The following VPS13C variants were observed in gnomAD, a reference collection of about 807,000 sequenced individuals.
VPS13C encodes the protein intermembrane lipid transfer protein VPS13C.
In VPS13C, 358 loss-of-function variants were observed where a neutral mutation model predicts 456.8. The observed-to-expected ratio is 0.78, with a 90% CI of 0.72 to 0.86. VPS13C has a LOEUF of 0.86. Among genes scored for constraint, VPS13C ranks in the 40% least tolerant of loss-of-function variants. VPS13C has a pLI of 0.00. For missense variants in VPS13C, 4,818 were observed against 4,385.4 expected (o/e 1.10, Z -2.79); for synonymous variants, 1,578 against 1,486.7 (o/e 1.06, Z -1.41).
chr15:61,899,794 G>C lies in VPS13C; in HGVS notation c.9105+7470C>G, dbSNP rs368670790. Among the ~76,000 whole-genome samples, 11 of 152,108 alleles carry C rather than the reference G, an allele frequency of 7.2e-5. 1 individual carries two copies. Among genetic ancestry groups the C allele is most frequent in the Admixed American group, 4.6e-4 (7 of 15,262 alleles). Reference sequence around the variant, plus strand: ...AGCATCATTCTGATACCAAAGCTGGGCAGAGACACAACCAAAAAAGAGGAT... The same window carrying C: ...AGCATCATTCTGATACCAAAGCTGGCCAGAGACACAACCAAAAAAGAGGAT... On this transcript the variant is annotated intron_variant, in intron 66 of 84. Transcript: ENST00000644861.
Position 61,991,094 on chromosome 15 carries a change from G to C in VPS13C, c.1484C>G (p.Thr495Ser), listed in dbSNP as rs369124398. ...CTCTGGAGTCATAAGGTCATCAATA[G>C]CTATGAAAAAACAACATTTTAAGAA... ...KKDEESLIPE[T>S]IDDLMTPEEK... Residue 495 changes from threonine to serine, a missense_variant and splice_region_variant, in exon 18 of 85, where the codon ACT becomes AGT. Physicochemically the swap from Thr to Ser is moderately conservative, Grantham distance 58. This residue lies in a region of VPS13C where 4,552 missense variants were observed against 4,130.6 expected (regional missense o/e 1.10). Transcript: ENST00000644861. 5 of 1,590,968 alleles carry C rather than the reference G, an allele frequency of 3.1e-6. No homozygotes were observed. The highest frequency in any genetic ancestry group is 1.4e-5 in the African/African-American group (1 of 73,440).
intron 38 of VPS13C, among the ~76,000 whole-genome samples, chr15:61,952,525 TTGTGTGTG>T (rs911004613): frequency 6.6e-6 from 1 of 151,798 alleles, no homozygotes; most frequent in Non-Finnish European, 1.5e-5. Flanking sequence ...GTATGTGTGT[TTGTGTGTG>T]TGTGTTAAGT....
intron 81 of VPS13C, 88 bp downstream of exon 81, chr15:61,868,571 C>G: frequency 9.4e-7 from 1 of 1,060,534 alleles, no homozygotes; most frequent in African/African-American, 1.6e-5. Context: ...GTTCAAGAAT[C>G]AGGAACTTTA....
At chr15:61,859,334 G>C (rs890326223) in intron 82 of VPS13C, among the ~76,000 whole-genome samples, 8 of 152,180 alleles carry the variant, frequency 5.3e-5, no homozygotes, top group Admixed American at 2.6e-4. Flanking sequence ...CTGCACTCCA[G>C]ACTGGGCAAT....
rs763032867 is a variant in VPS13C, at chr15:61,922,573, T to G, written c.6799A>C (p.Ile2267Leu). 3 of 1,614,142 alleles carry G rather than the reference T, an allele frequency of 1.9e-6. No individual in the cohort carries two copies. In the South Asian group the frequency reaches 3.3e-5, roughly 18 times the overall value. The change falls in exon 54 of 85, where the codon ATT becomes CTT. Residue 2267 changes from isoleucine to leucine, a missense_variant. This residue lies in a region of VPS13C where 4,552 missense variants were observed against 4,130.6 expected (regional missense o/e 1.10). Transcript: ENST00000644861. The stretch of plus-strand genomic sequence containing the variant: ...TTTTCCTCTATCAGTGAATGTTCAA[T>G]GCCTTTGAAGCTTTCCGTTATTTCT... ...ATEITESFKGIEHSLIEENCG... is the reference protein window; with the variant it reads ...ATEITESFKGLEHSLIEENCG...
intron 66 of VPS13C, among the ~76,000 whole-genome samples, chr15:61,897,681 G>A (rs1374266428): frequency 6.6e-6 from 1 of 152,230 alleles, no homozygotes; most frequent in South Asian, 2.1e-4. Context: ...ACACTCTGCA[G>A]GATATTATCC....
intron 16 of VPS13C, among the ~76,000 whole-genome samples, chr15:61,996,005 C>T (rs954962062): frequency 2.6e-5 from 4 of 152,186 alleles, no homozygotes; most frequent in Non-Finnish European, 5.9e-5. Flanking sequence ...CTGAGAAAAA[C>T]TCCGTATTTC....
chr15:62,020,081 A>G (rs1331124915), intron 9 of VPS13C, among the ~76,000 whole-genome samples: 1 of 150,504 alleles, frequency 6.6e-6, no homozygotes, highest in Non-Finnish European at 1.5e-5. Context: ...ATATTGCCCA[A>G]TGAGATGAGT....
At chr15:61,869,868 C>T (rs930723945) in intron 79 of VPS13C, among the ~76,000 whole-genome samples, 1 of 152,144 alleles carries the variant, frequency 6.6e-6, no homozygotes, top group African/African-American at 2.4e-5. Flanking sequence ...GCGGGGCCAG[C>T]ATTTATGTTT....
rs548212702 is a variant in VPS13C at position 61,964,995 on chromosome 15, G to C, written c.3052-134C>G. ...CACTCTGAAGGAAGAGTAAAAAGTGGAAGATTCACAATCCCCTTAAAAAGG... is the reference window on the plus strand; with the variant it reads ...CACTCTGAAGGAAGAGTAAAAAGTGCAAGATTCACAATCCCCTTAAAAAGG... On this transcript the variant is annotated intron_variant, in intron 30 of 84. Coordinates refer to ENST00000644861, the MANE Select transcript of VPS13C (RefSeq NM_020821.3). 2.7e-4 allele frequency: 213 copies of C among 795,474 alleles called. 2 individuals are homozygous for C. In the South Asian group the frequency reaches 4.5e-3, roughly 17 times the overall value. The allele number at this position is 795,474 out of a possible 1,614,324, so 49.3% of individuals were successfully genotyped here.
chr15:62,007,621 T>G (rs9635310), intron 14 of VPS13C, 142 bp from the exon 15 acceptor site: 1 of 636,094 alleles, frequency 1.6e-6, no homozygotes, highest in East Asian at 3.1e-5. Flanking sequence ...CAATTCCCAG[T>G]AAAATTGTCT....
chr15:61,876,924 G>A, intron 75 of VPS13C, 49 bp downstream of exon 75: 1 of 1,398,340 alleles, frequency 7.2e-7, no homozygotes, highest in South Asian at 1.3e-5. Flanking sequence ...CAAATGTTTT[G>A]ATATTTTATG....
In VPS13C at chr15:61,871,978, T is replaced by G. The variant is rs746066322; in HGVS notation, c.10624+11A>C. ...CAGACTTTGTAAAGGAAGGAAATAT[T>G]TTCAACATACCTTCCACAGGTTTTG... On this transcript the variant is annotated intron_variant, in intron 79 of 84. Coordinates refer to ENST00000644861, the MANE Select transcript of VPS13C (RefSeq NM_020821.3). 1.3e-5 allele frequency: 21 copies of G among 1,610,200 alleles called. No homozygotes were observed. The Middle Eastern group carries it at 2.3e-3, about 178-fold the overall frequency.
intron 9 of VPS13C, among the ~76,000 whole-genome samples, chr15:62,019,728 T>C (rs1487851748): frequency 1.3e-5 from 2 of 152,088 alleles, no homozygotes; most frequent in Admixed American, 6.6e-5. Flanking sequence ...AATTTTGGAA[T>C]AGGTGAGGTG....
chr15:61,929,399 G>T, intron 51 of VPS13C, 102 bp downstream of exon 51: 1 of 1,415,732 alleles, frequency 7.1e-7, no homozygotes. Context: ...AAATATAAAA[G>T]ACTAATTTTA....
intron 9 of VPS13C, among the ~76,000 whole-genome samples, chr15:62,014,937 G>A (rs925898066): frequency 1.3e-5 from 2 of 152,120 alleles, no homozygotes; most frequent in Non-Finnish European, 2.9e-5. Flanking sequence ...AGAATCACCA[G>A]GCAGAAAGTA....
At chr15:61,896,726 A>C (rs1002795637) in intron 66 of VPS13C, among the ~76,000 whole-genome samples, 7 of 152,322 alleles carry the variant, frequency 4.6e-5, no homozygotes, top group African/African-American at 1.7e-4. Context: ...GCAGCTGGGA[A>C]GCTCGAACTG....
At chr15:61,919,641 A>G (rs563531173) in intron 57 of VPS13C, among the ~76,000 whole-genome samples, 192 bp from the exon 58 acceptor site, 15 of 152,026 alleles carry the variant, frequency 9.9e-5, no homozygotes, top group African/African-American at 3.6e-4. Context: ...GGCTGAAAAC[A>G]GTTTTGCTTG....
chr15:61,969,972 T>C (rs2045497316), intron 27 of VPS13C, among the ~76,000 whole-genome samples: 1 of 77,218 alleles, frequency 1.3e-5, no homozygotes. Flanking sequence ...CCTTTGAATA[T>C]GGGCAGGCTT....
Sources: gnomAD v4.1 joint callset for allele counts (sites outside exome capture counted in the v4.1 genomes callset) on GRCh38, gnomAD v4.1.1 for gene constraint, gnomAD v4.1.1 regional missense constraint, MANE v1.5 for transcripts, NCBI Gene and HGNC (gene_info 2026-07-23, HGNC 2026-07-21) for gene names.